Variants in JAKMIP3 observed in about 807,000 individuals in gnomAD.
The protein encoded by JAKMIP3 is janus kinase and microtubule-interacting protein 3.
JAKMIP3 carries 58 observed loss-of-function variants against 118.5 expected under a neutral mutation model. The ratio of observed to expected loss-of-function variants is 0.49; its 90% CI spans 0.40 to 0.61. The LOEUF is 0.61. JAKMIP3 is among the 20% of genes least tolerant of loss of function. The pLI, the probability that JAKMIP3 is intolerant of heterozygous loss-of-function variation, is 0.00. For synonymous variants in JAKMIP3, 486 were observed against 451.2 expected, an observed-to-expected ratio of 1.08 and a Z score of -0.98; for missense variants, 950 against 1,109.0, an observed-to-expected ratio of 0.86 and a Z score of 2.04.
intron 23 of JAKMIP3, among the ~76,000 whole-genome samples, chr10:132,180,424 AGGGT>A (rs2060635980): frequency 1.5e-3 from 1 of 670 alleles, no homozygotes; most frequent in African/African-American, 0.01. Flanking sequence ...CAGAAAGGGG[AGGGT>A]GGGTGGGAGG....
intron 22 of JAKMIP3, among the ~76,000 whole-genome samples, chr10:132,167,307 G>A (rs575442872): frequency 6.6e-6 from 1 of 152,352 alleles, no homozygotes; most frequent in East Asian, 1.9e-4. Flanking sequence ...ACGGGAAGGA[G>A]AGCAGGGTTC....
At chr10:132,090,388 G>T (rs1299736458) in intron 1 of JAKMIP3, among the ~76,000 whole-genome samples, 3 of 152,080 alleles carry the variant, frequency 2.0e-5, no homozygotes, top group East Asian at 1.9e-4. Context: ...CAATTTCAGA[G>T]CCTGTTATTG....
chr10:132,140,717 C>T (rs866412124), intron 10 of JAKMIP3, 138 bp downstream of exon 10: 42 of 1,413,786 alleles, frequency 3.0e-5, no homozygotes, highest in African/African-American at 1.2e-4. Flanking sequence ...CGGCTTTTCA[C>T]GGGGAAGCCC....
intron 1 of JAKMIP3, among the ~76,000 whole-genome samples, chr10:132,047,925 T>C (rs983754078): frequency 2.2e-4 from 33 of 151,604 alleles, no homozygotes; most frequent in Non-Finnish European, 4.4e-4. Context: ...TGCGCGGAGC[T>C]GTGTGTGTCT....
At chr10:132,180,574 T>TGTGC (rs1565018629) in intron 23 of JAKMIP3, among the ~76,000 whole-genome samples, 1 of 42,706 alleles carries the variant, frequency 2.3e-5, no homozygotes, top group African/African-American at 1.2e-4. Flanking sequence ...TGTGCGTGTG[T>TGTGC]GTGTGCGTGC....
intron 1 of JAKMIP3, among the ~76,000 whole-genome samples, chr10:132,092,887 A>G (rs2043276851): frequency 6.6e-6 from 1 of 151,870 alleles, no homozygotes; most frequent in South Asian, 2.1e-4. Context: ...TTTTTTCCCC[A>G]TCTTTGTGGT....
intron 9 of JAKMIP3, among the ~76,000 whole-genome samples, chr10:132,139,815 CT>C (rs1357103313): frequency 1.3e-5 from 2 of 152,124 alleles, no homozygotes; most frequent in African/African-American, 2.4e-5. Flanking sequence ...GGCAGAAGAA[CT>C]GGGAGGAGAC....
Position 132,049,328 on chromosome 10 carries a change from C to T in JAKMIP3, c.-138+12590C>T, listed in dbSNP as rs1412661493. On this transcript the variant is annotated intron_variant, in intron 1 of 23. Coordinates refer to the JAKMIP3 transcript ENST00000657785. This position sits in a 1 kb window ranked among gnomAD's most constrained non-coding sequence, Gnocchi z 4.3. Reference sequence around the variant, plus strand: ...GGGCTGGGAGTGCTGCCCTCCTCCTCACCTTCCACTTCCTCCTCTTTCTTG... The same window carrying T: ...GGGCTGGGAGTGCTGCCCTCCTCCTTACCTTCCACTTCCTCCTCTTTCTTG... Among the ~76,000 whole-genome samples the T allele has an allele frequency of 1.3e-5, 2 of 152,142 alleles. No homozygotes were observed. The highest frequency in any genetic ancestry group is 6.5e-5 in the Admixed American group (1 of 15,278).
At chr10:132,165,971 C>T (rs572732300) in intron 21 of JAKMIP3, among the ~76,000 whole-genome samples, 1 of 152,346 alleles carries the variant, frequency 6.6e-6, no homozygotes, top group East Asian at 1.9e-4. Flanking sequence ...TCTCCCCAAA[C>T]CAAATGTCTG....
At chr10:132,090,939 C>T (rs916285505) in intron 1 of JAKMIP3, among the ~76,000 whole-genome samples, 60 of 152,316 alleles carry the variant, frequency 3.9e-4, no homozygotes, top group African/African-American at 1.4e-3. Context: ...TCCCTCTACA[C>T]ACTGCTTTAA....
At chr10:132,091,057 G>A (rs1197582395) in intron 1 of JAKMIP3, among the ~76,000 whole-genome samples, 6 of 151,894 alleles carry the variant, frequency 4.0e-5, no homozygotes, top group Admixed American at 2.6e-4. Context: ...ATTCAGGAGC[G>A]GGTTGTTCAG....
chr10:132,112,552 C>T lies in JAKMIP3; in HGVS notation c.136-4525C>T, dbSNP rs1367167774. 6.6e-6 allele frequency among the ~76,000 whole-genome samples: 1 copy of T among 152,182 alleles called. No homozygotes were observed. Among genetic ancestry groups the T allele is most frequent in the Non-Finnish European group, 1.5e-5 (1 of 68,022 alleles). On this transcript the variant is annotated intron_variant, in intron 2 of 23. Transcript: ENST00000684848. This position sits in a 1 kb window ranked among gnomAD's most constrained non-coding sequence, Gnocchi z 4.3. The stretch of plus-strand genomic sequence containing the variant: ...GTATTCTTTTCTTCAGTGTTTTTGT[C>T]TACAAAGTCCCGCTTGGCTCTGTGT...
intron 19 of JAKMIP3, among the ~76,000 whole-genome samples, chr10:132,158,702 G>T (rs1201686725): frequency 8.3e-6 from 1 of 120,902 alleles, no homozygotes; most frequent in Non-Finnish European, 1.7e-5. Context: ...CTTCCTGTGT[G>T]ATGCTGTGGG....
At position 132,180,712 on chromosome 10, in the gene JAKMIP3, T is replaced by C. The variant is rs28521792; in HGVS notation, c.*1104-1645T>C. On this transcript the variant is annotated intron_variant, in intron 23 of 23. Transcript: ENST00000684848. ...GTGTGCGTGCGTGTGTGTGTGCGCG[T>C]GTGTGTGCGTGTGTGTGCGTGTGTG... Among the ~76,000 whole-genome samples, 210 of 26,538 alleles carry C rather than the reference T, an allele frequency of 7.9e-3. 39 individuals are homozygous for C. The highest frequency in any genetic ancestry group is 0.064 in the African/African-American group (160 of 2,518). The allele number at this position is 26,538 out of a possible 152,430, so 17.4% of individuals were successfully genotyped here. A position where few individuals can be genotyped will look rare whatever the true frequency, so the allele number is the denominator to read the frequency against.
In JAKMIP3 at chr10:132,179,475, C is replaced by T. The variant is rs559826218; in HGVS notation, c.*1104-2882C>T. Among the ~76,000 whole-genome samples, 34 of 152,280 alleles carry T rather than the reference C, an allele frequency of 2.2e-4. No homozygotes were observed. In the South Asian group the frequency reaches 2.3e-3, roughly 10 times the overall value. On this transcript the variant is annotated intron_variant, in intron 23 of 23. Transcript: ENST00000684848. This position sits in a 1 kb window ranked among gnomAD's most constrained non-coding sequence, Gnocchi z 4.3. ...GGATGAGGATTATCTGGGTTTCTCC[C>T]GCGGAACCCTTACTGTGGCACTGAT... is the stretch of plus-strand genomic sequence containing the variant.
At chr10:132,114,377 G>T (rs568967550) in intron 2 of JAKMIP3, among the ~76,000 whole-genome samples, 1 of 152,288 alleles carries the variant, frequency 6.6e-6, no homozygotes, top group East Asian at 1.9e-4. Flanking sequence ...ACTGCACCTG[G>T]CTAATTTTTT....
rs778848311 is a variant in JAKMIP3, at chr10:132,104,961, C to T, written c.135+18C>T. On this transcript the variant is annotated intron_variant, in intron 2 of 23. Coordinates refer to ENST00000684848, the MANE Select transcript of JAKMIP3 (RefSeq NM_001323087.2). ...AGAGCAAGGTGGGCGCTCCCCAGAC[C>T]TCCACCCTTGAATGTCCCTCCCTCC... The T allele has an allele frequency of 6.3e-6, 10 of 1,579,242 alleles. No homozygotes were observed. The highest frequency in any genetic ancestry group is 5.8e-5 in the South Asian group (5 of 85,862).
chr10:132,139,260 GTGTA>G (rs764082299), intron 9 of JAKMIP3, among the ~76,000 whole-genome samples: 4 of 151,762 alleles, frequency 2.6e-5, no homozygotes, highest in African/African-American at 4.8e-5. Context: ...ATGTGTGTGT[GTGTA>G]TGTGTGTACA....
upstream of JAKMIP3, among the ~76,000 whole-genome samples, chr10:132,065,252 A>T (rs1004038955): frequency 2.0e-5 from 3 of 151,946 alleles, no homozygotes; most frequent in African/African-American, 7.3e-5. The surrounding 1 kb of genome is among the most constrained non-coding windows in gnomAD (Gnocchi z 5.6). Flanking sequence ...GCTTTTCCGG[A>T]CGGTGATTAT....
Sources: allele counts gnomAD v4.1 joint callset (sites outside exome capture counted in the v4.1 genomes callset), GRCh38; gene constraint gnomAD v4.1.1; non-coding constraint Gnocchi (gnomAD v3.1); transcripts MANE v1.5; gene names NCBI Gene and HGNC (gene_info 2026-07-23, HGNC 2026-07-21).